Variants in ADGRG4 observed in about 807,000 individuals in gnomAD.
ADGRG4 encodes the protein G protein-coupled receptor 112.
ADGRG4 carries 122 observed loss-of-function variants against 126.2 expected under a neutral mutation model. That is an observed-to-expected ratio of 0.97 (90% CI 0.83 to 1.12). The LOEUF (loss-of-function observed/expected upper bound fraction) is 1.12. Among genes scored for constraint, ADGRG4 ranks in the 50% most tolerant of loss-of-function variants. The pLI, the probability that ADGRG4 is intolerant of heterozygous loss-of-function variation, is 0.00. For synonymous variants in ADGRG4, 943 were observed against 838.7 expected, an observed-to-expected ratio of 1.12 and a Z score of -2.15; for missense variants, 2,481 against 2,251.8, an observed-to-expected ratio of 1.10 and a Z score of -2.06.
intron 4 of ADGRG4, among the ~76,000 whole-genome samples, chrX:136,314,201 G>A (rs1056792652): frequency 2.1e-4 from 23 of 111,150 alleles, no homozygotes; most frequent in African/African-American, 7.2e-4. Flanking sequence ...TTTCACTCTT[G>A]CTCTGCTACA....
chrX:136,413,647 A>G (rs1446103780), intron 24 of ADGRG4, among the ~76,000 whole-genome samples: 1 of 111,275 alleles, frequency 9.0e-6, no homozygotes, highest in Non-Finnish European at 1.9e-5. Flanking sequence ...TACAGTACAA[A>G]CCTACTTCTT....
chrX:136,346,334 AAGGGTG>A lies in ADGRG4; in HGVS notation c.2630_2635del (p.Arg877_Val878del). 8.3e-7 allele frequency: 1 copy of A among 1,210,800 alleles called. No individual in the cohort carries two copies. Among genetic ancestry groups the A allele is most frequent in the Non-Finnish European group, 1.1e-6 (1 of 894,894 alleles). Reference sequence around the variant, plus strand: ...TGGAAGTGACAGACGAATCAGCACAAAGGGTGACAGCTTCTGTCACTGTTTCCTCTT... The same window carrying A: ...TGGAAGTGACAGACGAATCAGCACAAACAGCTTCTGTCACTGTTTCCTCTT... On this transcript the variant is annotated inframe_deletion, in exon 6 of 26. Transcript: ENST00000394143.
At chrX:136,310,443 T>G (rs1039837638) in intron 4 of ADGRG4, among the ~76,000 whole-genome samples, 22 of 111,686 alleles carry the variant, frequency 2.0e-4, no homozygotes, top group African/African-American at 6.5e-4. Context: ...AAGTTTTTTT[T>G]GTAGGTTATC....
chrX:136,386,536 C>G (rs1427489611), intron 15 of ADGRG4, among the ~76,000 whole-genome samples: 1 of 112,024 alleles, frequency 8.9e-6, no homozygotes, highest in Admixed American at 9.5e-5. Context: ...ACTTGAGAGG[C>G]AGCATAGATA....
In ADGRG4 at chrX:136,399,905, G is replaced by A; in HGVS notation, c.8364G>A (p.Leu2788=). ...TGATCAACCTGTGCACAGCACTACT[G>A]ATGCTAAACCTGGTATTTTTGATCA... ...KILINLCTAL[L]MLNLVFLINS... The change falls in exon 21 of 26, where the codon CTG becomes CTA. Residue 2788 remains leucine, a synonymous_variant. Coordinates refer to ENST00000394143, the MANE Select transcript of ADGRG4 (RefSeq NM_153834.4). The A allele has an allele frequency of 1.7e-6, 2 of 1,208,392 alleles. No individual in the cohort carries two copies. Among genetic ancestry groups the A allele is most frequent in the Non-Finnish European group, 2.2e-6 (2 of 892,910 alleles).
chrX:136,345,110 AC>A lies in ADGRG4; in HGVS notation c.1406del (p.Pro469LeufsTer12). On this transcript the variant is annotated frameshift_variant, in exon 6 of 26. Coordinates refer to ENST00000394143, the MANE Select transcript of ADGRG4 (RefSeq NM_153834.4). LOFTEE classifies it high-confidence loss of function. ...ATGTTGGGACTGCATCATCATTCCC[AC>A]CTGAGCCTGTGCTCATCTCCACAGC... ...THVGTASSFP[P>X]EPVLISTAAP... The A allele has an allele frequency of 8.3e-7, 1 of 1,211,153 alleles. No homozygotes were observed. Among genetic ancestry groups the A allele is most frequent in the Non-Finnish European group, 1.1e-6 (1 of 895,097 alleles).
chrX:136,350,478 G>A (rs1305312952), intron 6 of ADGRG4, 45 bp downstream of exon 6: 1 of 1,126,327 alleles, frequency 8.9e-7, no homozygotes, highest in Non-Finnish European at 1.2e-6. Flanking sequence ...CAGAATTCAT[G>A]CACTATGGGT....
intron 5 of ADGRG4, among the ~76,000 whole-genome samples, chrX:136,328,566 A>C (rs1402796232): frequency 2.7e-5 from 3 of 112,285 alleles, no homozygotes. Flanking sequence ...ATCATGGGAA[A>C]TCTACACTGT....
chrX:136,334,569 C>T (rs775981757), intron 5 of ADGRG4, among the ~76,000 whole-genome samples: 9 of 112,158 alleles, frequency 8.0e-5, no homozygotes, highest in Non-Finnish European at 1.7e-4. Flanking sequence ...TTGAATCTTC[C>T]AATCCGTGAA....
At chrX:136,371,111 G>T (rs2075190472) in intron 13 of ADGRG4, among the ~76,000 whole-genome samples, 1 of 111,931 alleles carries the variant, frequency 8.9e-6, no homozygotes, top group African/African-American at 3.2e-5. Flanking sequence ...AGGATTTAAT[G>T]AATGAAAACT....
In ADGRG4 at chrX:136,397,956, T is replaced by C. The variant is rs1569337324; in HGVS notation, c.8260T>C (p.Ser2754Pro). The C allele has an allele frequency of 8.3e-7, 1 of 1,200,674 alleles. No individual in the cohort carries two copies. The highest frequency in any genetic ancestry group is 1.1e-6 in the Non-Finnish European group (1 of 885,376). ...ALITYTGCGI[S>P]SIFLGVAVVT... ...TATAACATACACCGGATGTGGAATC[T>C]CCTCCATTTTTCTGGGAGTTGCAGT... Residue 2754 changes from serine (S) to proline (P), a missense_variant, in exon 20 of 26, where the codon TCC (serine) becomes CCC (proline). Transcript: ENST00000394143.
At chrX:136,306,660 A>G (rs1487872615) in intron 3 of ADGRG4, among the ~76,000 whole-genome samples, 1 of 109,081 alleles carries the variant, frequency 9.2e-6, no homozygotes, top group Non-Finnish European at 1.9e-5. Context: ...CTCATGCCCC[A>G]TCCCCTTTCC....
chrX:136,307,578 A>G (rs145956563), intron 3 of ADGRG4, among the ~76,000 whole-genome samples: 1,265 of 112,611 alleles, frequency 0.011, 13 homozygotes, highest in Middle Eastern at 0.037. Flanking sequence ...GCTGGCATTC[A>G]TAGCAAGCTC....
In ADGRG4 at chrX:136,345,000, A is replaced by G. The variant is rs1454715135; in HGVS notation, c.1294A>G (p.Thr432Ala). 1 of 1,211,169 alleles carries G rather than the reference A, an allele frequency of 8.3e-7. No individual in the cohort carries two copies. The highest frequency in any genetic ancestry group is 2.2e-5 in the Admixed American group (1 of 45,981). ...STNTGALPIS[T>A]AGQEFIESTA... ...AAATACTGGGGCACTCCCTATCTCC[A>G]CAGCTGGCCAGGAGTTCATTGAATC... The change falls in exon 6 of 26, where the codon ACA becomes GCA. Residue 432 changes from threonine (T) to alanine (A), a missense_variant. Physicochemically the swap from Thr to Ala is moderately conservative, Grantham distance 58 (BLOSUM62 0). Coordinates refer to ENST00000394143, the MANE Select transcript of ADGRG4 (RefSeq NM_153834.4).
rs1472269617 is a variant in ADGRG4, at chrX:136,349,007, T to A, written c.5301T>A (p.Val1767=). The change falls in exon 6 of 26, where the codon GTT becomes GTA. Residue 1767 remains valine, a synonymous_variant. Transcript: ENST00000394143. ...TCCATACTTCCTTCAATATTCAGGT[T>A]TCCCCATCTCTGACTAGCTTTAAGA... The part of the protein sequence containing the change: ...DSLHTSFNIQ[V]SPSLTSFKSA... The A allele has an allele frequency of 8.3e-7, 1 of 1,207,729 alleles. No individual in the cohort carries two copies. The highest frequency in any genetic ancestry group is 2.2e-5 in the Admixed American group (1 of 45,946).
chrX:136,342,930 G>A (rs2074988709), intron 5 of ADGRG4, among the ~76,000 whole-genome samples: 1 of 106,335 alleles, frequency 9.4e-6, no homozygotes, highest in Admixed American at 1.0e-4. Context: ...GTGAGAGAGA[G>A]AGAGGAAGGG....
At chrX:136,398,098 A>T (rs2075360749) in intron 20 of ADGRG4, 96 bp downstream of exon 20, 2 of 799,591 alleles carry the variant, frequency 2.5e-6, no homozygotes, top group South Asian at 2.7e-5. Flanking sequence ...ACATCACAAT[A>T]GGAAGAAGTC....
At chrX:136,379,769 C>G (rs1418572841) in intron 15 of ADGRG4, among the ~76,000 whole-genome samples, 1 of 110,748 alleles carries the variant, frequency 9.0e-6, no homozygotes, top group African/African-American at 3.3e-5. Context: ...CGTTGAATAA[C>G]AAGTCCCCAT....
intron 14 of ADGRG4, among the ~76,000 whole-genome samples, chrX:136,371,956 C>T (rs967945079): frequency 9.0e-6 from 1 of 111,532 alleles, no homozygotes. Context: ...GGCATATAGA[C>T]ATCATAAATT....
Sources: allele counts gnomAD v4.1 joint callset (sites outside exome capture counted in the v4.1 genomes callset), GRCh38; gene constraint gnomAD v4.1.1; transcripts MANE v1.5; gene names NCBI Gene and HGNC (gene_info 2026-07-23, HGNC 2026-07-21).